PCDH9: variants seen among roughly 807,000 people sequenced by gnomAD.
PCDH9 encodes the protein protocadherin-9.
Under a neutral mutation model 70.6 loss-of-function variants are expected in PCDH9, and 24 were observed. That is an observed-to-expected ratio of 0.34 (90% confidence interval 0.25 to 0.48). The LOEUF (loss-of-function observed/expected upper bound fraction) is 0.48. Ranked by LOEUF, PCDH9 falls within the 20% of genes least tolerant of loss-of-function variation. The probability of loss-of-function intolerance (pLI) is 0.99; values close to 1 mark genes in which losing one functional copy is unlikely to be tolerated. For missense variants in PCDH9, 1,281 were observed against 1,503.6 expected (o/e 0.85, Z 2.45); for synonymous variants, 562 against 558.5 (o/e 1.01, Z -0.09).
chr13:67,082,857 A>G (rs925682369), intron 2 of PCDH9, among the ~76,000 whole-genome samples: 2 of 152,192 alleles, frequency 1.3e-5, no homozygotes, highest in African/African-American at 4.8e-5. Context: ...TAGACCAAAT[A>G]ATTTTTCTGT....
At chr13:66,305,143 C>T in intron 4 of PCDH9, 115 bp from the exon 5 acceptor site, 1 of 917,936 alleles carries the variant, frequency 1.1e-6, no homozygotes, top group East Asian at 2.7e-5. Context: ...AAAAGTGTAT[C>T]AAGTCAAGCA....
chr13:66,413,899 G>A (rs1406300262), intron 4 of PCDH9, among the ~76,000 whole-genome samples: 1 of 152,006 alleles, frequency 6.6e-6, no homozygotes, highest in African/African-American at 2.4e-5. Flanking sequence ...AGCAGCTCCT[G>A]AAGCAGCTTC....
intron 2 of PCDH9, among the ~76,000 whole-genome samples, chr13:66,989,654 A>G (rs1268039650): frequency 6.6e-6 from 1 of 151,890 alleles, no homozygotes; most frequent in Non-Finnish European, 1.5e-5. Context: ...ATAATGAACT[A>G]ACGATCCTGT....
intron 2 of PCDH9, among the ~76,000 whole-genome samples, chr13:66,941,702 C>T (rs2083009013): frequency 6.6e-6 from 1 of 151,722 alleles, no homozygotes; most frequent in Non-Finnish European, 1.5e-5. Flanking sequence ...CCTGACAATC[C>T]TAAACATGTA....
chr13:66,670,980 A>G (rs887771125), intron 3 of PCDH9, among the ~76,000 whole-genome samples: 7 of 150,758 alleles, frequency 4.6e-5, no homozygotes, highest in African/African-American at 1.7e-4. Flanking sequence ...CCCAAATCTC[A>G]CTTTGAATTG....
chr13:67,076,014 T>A (rs1374776265), intron 2 of PCDH9, among the ~76,000 whole-genome samples: 1 of 152,122 alleles, frequency 6.6e-6, no homozygotes, highest in Non-Finnish European at 1.5e-5. Flanking sequence ...AAAGGTTTAA[T>A]CAAAATTAAA....
At chr13:66,828,810 A>AAAAAAAAATAATAATAATAAT (rs71207607) in intron 3 of PCDH9, among the ~76,000 whole-genome samples, 3 of 148,608 alleles carry the variant, frequency 2.0e-5, no homozygotes, top group Admixed American at 6.8e-5. Context: ...GCCATACATA[A>AAAAAAAAATAATAATAATAAT]AATAATAATA....
At chr13:67,154,483 A>C (rs1170255010) in intron 2 of PCDH9, among the ~76,000 whole-genome samples, 5 of 149,924 alleles carry the variant, frequency 3.3e-5, no homozygotes, top group Non-Finnish European at 7.4e-5. Flanking sequence ...AGGCTGAGGC[A>C]GGAGGATGAT....
chr13:66,809,669 T>A (rs1248195222), intron 3 of PCDH9, among the ~76,000 whole-genome samples: 1 of 152,198 alleles, frequency 6.6e-6, no homozygotes, highest in Non-Finnish European at 1.5e-5. Flanking sequence ...GTCACTGGTT[T>A]CTAATTTCAG....
At chr13:66,561,086 C>T (rs566976248) in intron 4 of PCDH9, among the ~76,000 whole-genome samples, 87 of 152,358 alleles carry the variant, frequency 5.7e-4, no homozygotes, top group South Asian at 1.9e-3. Context: ...GGCGGGAACC[C>T]GGGCTGCGCG....
In PCDH9 at chr13:66,362,159, T is replaced by C. The variant is rs1265399343; in HGVS notation, c.3341-57131A>G. 2.6e-5 allele frequency among the ~76,000 whole-genome samples: 4 copies of C among 152,288 alleles called. No individual in the cohort carries two copies. In the East Asian group the frequency reaches 7.7e-4, roughly 29 times the overall value. On this transcript the variant is annotated intron_variant, in intron 4 of 4. Transcript: ENST00000377865. ...CTACATTTCCTCTATTAGCTTTTGA[T>C]AAAATTGATTAATAAAATTGTCAAA...
chr13:66,654,224 ACTT>A (rs2077895207), intron 3 of PCDH9, among the ~76,000 whole-genome samples: 1 of 152,140 alleles, frequency 6.6e-6, no homozygotes, highest in African/African-American at 2.4e-5. Context: ...AGAAATACAA[ACTT>A]CAAATGTTCT....
chr13:66,649,359 A>G (rs1002552980), intron 3 of PCDH9, among the ~76,000 whole-genome samples: 1 of 152,112 alleles, frequency 6.6e-6, no homozygotes, highest in Non-Finnish European at 1.5e-5. Flanking sequence ...CATCTGGCAA[A>G]AGACTCTTCA....
At chr13:67,043,553 T>C (rs1291939112) in intron 2 of PCDH9, among the ~76,000 whole-genome samples, 1 of 152,036 alleles carries the variant, frequency 6.6e-6, no homozygotes, top group Non-Finnish European at 1.5e-5. Context: ...AATTATAGGG[T>C]CTATGGGCCA....
At chr13:66,575,229 T>C (rs1354133845) in intron 4 of PCDH9, among the ~76,000 whole-genome samples, 4 of 151,988 alleles carry the variant, frequency 2.6e-5, no homozygotes, top group Non-Finnish European at 5.9e-5. Context: ...GTTAGGAAAA[T>C]ACTATATTTA....
chr13:66,628,046 A>G (rs894807714), intron 4 of PCDH9, among the ~76,000 whole-genome samples: 2 of 152,196 alleles, frequency 1.3e-5, no homozygotes, highest in Admixed American at 1.3e-4. Flanking sequence ...GGAAAACTCA[A>G]ATGTGGGCTT....
intron 4 of PCDH9, among the ~76,000 whole-genome samples, chr13:66,322,985 A>T (rs1307595699): frequency 1.3e-5 from 2 of 152,064 alleles, no homozygotes; most frequent in Non-Finnish European, 2.9e-5. Context: ...ATATGTTTCC[A>T]TTTTTAAAGC....
At chr13:67,178,892 CAA>C (rs753140903) in intron 2 of PCDH9, among the ~76,000 whole-genome samples, 4 of 152,170 alleles carry the variant, frequency 2.6e-5, no homozygotes, top group Non-Finnish European at 4.4e-5. Flanking sequence ...AACAGAATGA[CAA>C]ATCAGTATCC....
Position 66,769,483 on chromosome 13 carries a change from T to G in PCDH9, c.3138+134021A>C, listed in dbSNP as rs79756464. ...TTCCGGCATCGTAGTAGCAACATGG[T>G]TTTTTTTTTTTCAGATATGCAATTT... is the stretch of plus-strand genomic sequence containing the variant. On this transcript the variant is annotated intron_variant, in intron 3 of 4. Coordinates refer to ENST00000377865, the MANE Select transcript of PCDH9 (RefSeq NM_203487.3). Among the ~76,000 whole-genome samples the G allele has an allele frequency of 2.6e-5, 3 of 114,026 alleles. No individual in the cohort carries two copies. In the East Asian group the frequency reaches 8.2e-4, roughly 31 times the overall value. The allele number at this position is 114,026 out of a possible 152,430, so 74.8% of individuals were successfully genotyped here. A position where few individuals can be genotyped will look rare whatever the true frequency, so the allele number is the denominator to read the frequency against.
Sources: allele counts gnomAD v4.1 joint callset (sites outside exome capture counted in the v4.1 genomes callset), GRCh38; gene constraint gnomAD v4.1.1; transcripts MANE v1.5; gene names NCBI Gene and HGNC (gene_info 2026-07-23, HGNC 2026-07-21).